BRD4: variants seen among roughly 807,000 people sequenced by gnomAD.
The protein encoded by BRD4 is bromodomain containing 4, also known as bromodomain-containing protein 4.
BRD4 carries 16 observed loss-of-function variants against 142.1 expected under a neutral mutation model. The observed-to-expected ratio is 0.11, with a 90% CI of 0.08 to 0.17. The LOEUF is 0.17. BRD4 is among the 10% of genes least tolerant of loss of function. The pLI, the probability that BRD4 is intolerant of heterozygous loss-of-function variation, is 1.00. For synonymous variants in BRD4, 833 were observed against 707.5 expected (o/e 1.18, Z -2.82); for missense variants, 1,424 against 1,810.9 (o/e 0.79, Z 3.88).
At chr19:15,276,340 G>C (rs1374503963) in intron 1 of BRD4, among the ~76,000 whole-genome samples, 1 of 152,126 alleles carries the variant, frequency 6.6e-6, no homozygotes, top group Non-Finnish European at 1.5e-5. Context: ...AGCCTCCTTG[G>C]GCGAATTCTT....
chr19:15,264,004 C>G (rs905755731), intron 6 of BRD4: 1 of 236,208 alleles, frequency 4.2e-6, no homozygotes, highest in African/African-American at 2.3e-5. Context: ...AATGTCGGCA[C>G]TTACAGCGTG....
intron 14 of BRD4, among the ~76,000 whole-genome samples, chr19:15,242,194 A>G (rs2047243337): frequency 6.6e-6 from 1 of 151,080 alleles, no homozygotes; most frequent in South Asian, 2.1e-4. Flanking sequence ...CCCGGTACAC[A>G]CCCAAGACAG....
At position 15,248,196 on chromosome 19, in the gene BRD4, C is replaced by T. The variant is rs1386769367; in HGVS notation, c.2159-3434G>A. On this transcript the variant is annotated intron_variant, in intron 11 of 19. Coordinates refer to ENST00000679869, the MANE Select transcript of BRD4 (RefSeq NM_001379291.1). ...TGCTGGATTTGTGACCAAAAAAGGG[C>T]TGGTATTTATTTTTAGAGCAAAAAA... 6.3e-5 allele frequency: 14 copies of T among 220,568 alleles called. No homozygotes were observed. The East Asian group carries it at 9.3e-4, about 15-fold the overall frequency. The allele number at this position is 220,568 out of a possible 1,614,324, so 13.7% of individuals were successfully genotyped here.
intron 9 of BRD4, 122 bp downstream of exon 9, chr19:15,255,942 C>G: frequency 1.5e-6 from 2 of 1,334,586 alleles, no homozygotes; most frequent in Non-Finnish European, 1.0e-6. Context: ...CCTGTGAAGC[C>G]ACGGCTGCAG....
intron 14 of BRD4, 33 bp downstream of exon 14, chr19:15,242,867 C>A: frequency 6.3e-7 from 1 of 1,584,848 alleles, no homozygotes; most frequent in Non-Finnish European, 8.6e-7. Context: ...CCAGCACCAG[C>A]CTCCCCAGAG....
chr19:15,303,271 C>A (rs1425377985), intron 1 of BRD4, among the ~76,000 whole-genome samples: 1 of 152,154 alleles, frequency 6.6e-6, no homozygotes, highest in East Asian at 1.9e-4. Context: ...CTTGAGAAAT[C>A]CAAATTGTGT....
intron 1 of BRD4, among the ~76,000 whole-genome samples, chr19:15,301,352 G>C (rs1208265228): frequency 6.6e-6 from 1 of 152,022 alleles, no homozygotes; most frequent in Non-Finnish European, 1.5e-5. Context: ...CACGACGTCA[G>C]GAGTTCAAGA....
At chr19:15,266,774 C>T (rs1375895920) in intron 4 of BRD4, among the ~76,000 whole-genome samples, 7 of 152,168 alleles carry the variant, frequency 4.6e-5, no homozygotes, top group Admixed American at 2.6e-4. Context: ...GGGACCACCT[C>T]GCAAATGTCA....
rs2145569639 is a variant in BRD4 at position 15,255,286 on chromosome 19, C to G, written c.2047+11G>C. ...CAGAAGGAACCCCATGCCCAGGGGG[C>G]CCAAGCACACCTTGAGGTTTCCTTT... On this transcript the variant is annotated intron_variant, in intron 10 of 19. Transcript: ENST00000679869. 6.2e-7 allele frequency: 1 copy of G among 1,605,302 alleles called. No individual in the cohort carries two copies.
intron 1 of BRD4, among the ~76,000 whole-genome samples, chr19:15,294,017 C>T (rs1241855257): frequency 6.6e-6 from 1 of 152,124 alleles, no homozygotes; most frequent in Admixed American, 6.5e-5. Context: ...CATACGATTC[C>T]CTGGAATCCC....
chr19:15,288,687 C>A (rs2047758419), intron 1 of BRD4, among the ~76,000 whole-genome samples: 1 of 152,268 alleles, frequency 6.6e-6, no homozygotes. Flanking sequence ...AGCAGACACA[C>A]AGGGCCGCCG....
At chr19:15,326,322 G>A (rs1189963617) in intron 1 of BRD4, among the ~76,000 whole-genome samples, 1 of 151,688 alleles carries the variant, frequency 6.6e-6, no homozygotes, top group Non-Finnish European at 1.5e-5. Context: ...AAATTATCCA[G>A]GTGTGGCAGC....
rs1032392878 is a variant in BRD4 at position 15,326,121 on chromosome 19, G to A, written c.-35+6169C>T. The stretch of plus-strand genomic sequence containing the variant: ...CGACAGCTAAGCAGCCAGTTAAAAC[G>A]AAACATTTTGGAAATGTTCACAATG... On this transcript the variant is annotated intron_variant, in intron 1 of 19. Coordinates refer to ENST00000679869, the MANE Select transcript of BRD4 (RefSeq NM_001379291.1). Among the ~76,000 whole-genome samples, 9 of 120,670 alleles carry A rather than the reference G, an allele frequency of 7.5e-5. No individual in the cohort carries two copies. The East Asian group carries it at 2.1e-3, about 28-fold the overall frequency. The allele number at this position is 120,670 out of a possible 152,430, so 79.2% of individuals were successfully genotyped here.
chr19:15,244,865 C>G, intron 11 of BRD4, 103 bp from the exon 12 acceptor site: 3 of 1,587,216 alleles, frequency 1.9e-6, no homozygotes, highest in Non-Finnish European at 1.7e-6. Context: ...AGGAGAAGGA[C>G]CAGTGACCCT....
chr19:15,265,618 C>T lies in BRD4; in HGVS notation c.585G>A (p.Thr195=), dbSNP rs183675300. 354 of 1,614,032 alleles carry T rather than the reference C, an allele frequency of 2.2e-4. No homozygotes were observed. Among genetic ancestry groups the T allele is most frequent in the Non-Finnish European group, 2.8e-4 (329 of 1,180,004 alleles). Residue 195 remains threonine, a synonymous_variant, in exon 5 of 20, where the codon ACG becomes ACA. Coordinates refer to ENST00000679869, the MANE Select transcript of BRD4 (RefSeq NM_001379291.1). The stretch of plus-strand genomic sequence containing the variant: ...TCGATGCTTGAGTTGTGTTTGGTAC[C>T]GTGGAAACGCCAGGTTTTGCTGTCC... The part of the protein sequence containing the change: ...ETGTAKPGVS[T]VPNTTQASTP...
chr19:15,259,267 C>T (rs1181615607), intron 7 of BRD4, among the ~76,000 whole-genome samples: 1 of 152,198 alleles, frequency 6.6e-6, no homozygotes, highest in Non-Finnish European at 1.5e-5. Flanking sequence ...AGATAATCAG[C>T]TATGCCTCCC....
At chr19:15,329,095 A>G (rs1411142039) in intron 1 of BRD4, among the ~76,000 whole-genome samples, 1 of 150,954 alleles carries the variant, frequency 6.6e-6, no homozygotes, top group Non-Finnish European at 1.5e-5. Context: ...TTTTTTTTTA[A>G]GTTAACAAGG....
chr19:15,253,735 T>A lies in BRD4; in HGVS notation c.2158+417A>T, dbSNP rs772933841. On this transcript the variant is annotated intron_variant, in intron 11 of 19. Coordinates refer to ENST00000679869, the MANE Select transcript of BRD4 (RefSeq NM_001379291.1). ...GAAGCGGCCGCACTGCACGTGACTG[T>A]GATACGGGGAAGGCCCTGGGGACAC... 12 of 1,598,276 alleles carry A rather than the reference T, an allele frequency of 7.5e-6. No individual in the cohort carries two copies. The South Asian group carries it at 1.2e-4, about 16-fold the overall frequency.
At chr19:15,286,403 G>A (rs183267398) in intron 1 of BRD4, among the ~76,000 whole-genome samples, 1 of 152,322 alleles carries the variant, frequency 6.6e-6, no homozygotes, top group Admixed American at 6.5e-5. Context: ...ATCAGGTGGA[G>A]GGCATGGGAG....
Sources: gnomAD v4.1 joint callset for allele counts (sites outside exome capture counted in the v4.1 genomes callset) on GRCh38, gnomAD v4.1.1 for gene constraint, MANE v1.5 for transcripts, NCBI Gene and HGNC (gene_info 2026-07-23, HGNC 2026-07-21) for gene names.